The following ERG variants were observed in gnomAD, a reference collection of about 807,000 sequenced individuals.
ERG encodes ETS transcription factor ERG, also known as transcriptional regulator ERG.
ERG carries 9 observed loss-of-function variants against 55.3 expected under a neutral mutation model. The observed-to-expected ratio is 0.16, with a 90% CI of 0.10 to 0.28. The LOEUF (loss-of-function observed/expected upper bound fraction) is 0.28, where lower values mean the gene tolerates loss of function less well. ERG is among the 10% of genes least tolerant of loss of function. ERG has a pLI of 1.00. For missense variants in ERG, 434 were observed against 631.6 expected (o/e 0.69, Z 3.35); for synonymous variants, 223 against 237.3 (o/e 0.94, Z 0.55).
the ERG span, among the ~76,000 whole-genome samples, chr21:38,374,597 A>G: frequency 1.3e-5 from 2 of 152,210 alleles, no homozygotes; most frequent in Admixed American, 6.5e-5. Context: ...GAAGTTATGC[A>G]AACTCTCAGG....
intron 6 of ERG, among the ~76,000 whole-genome samples, chr21:38,393,638 A>G (rs977745008): frequency 3.9e-5 from 6 of 152,236 alleles, no homozygotes; most frequent in African/African-American, 7.2e-5. Flanking sequence ...TGATGGGTCA[A>G]TCTTCAAAGA....
intron 2 of ERG, among the ~76,000 whole-genome samples, chr21:38,444,139 T>C (rs74394879): frequency 3.9e-5 from 6 of 152,340 alleles, no homozygotes; most frequent in African/African-American, 7.2e-5. Flanking sequence ...TCCAGACTTA[T>C]AAACTATGAC....
At chr21:38,483,520 T>A (rs184428212) in intron 1 of ERG, among the ~76,000 whole-genome samples, 37 of 152,300 alleles carry the variant, frequency 2.4e-4, no homozygotes, top group Admixed American at 1.8e-3. Context: ...TGTATATGCA[T>A]CTGGGGAAAA....
At chr21:38,661,615 GT>G (rs1330074178) in intron 1 of ERG, 1 of 152,322 alleles carries the variant, frequency 6.6e-6, no homozygotes, top group African/African-American at 2.4e-5. Context: ...CCTTCCAGAA[GT>G]TTTCGTTTCT....
chr21:38,631,551 G>A (rs1269230345), intron 1 of ERG, among the ~76,000 whole-genome samples: 1 of 152,058 alleles, frequency 6.6e-6, no homozygotes, highest in African/African-American at 2.4e-5. Flanking sequence ...GTCCTTTAAG[G>A]GATGGCGTGG....
At chr21:38,577,593 G>T (rs2060002516) in intron 1 of ERG, among the ~76,000 whole-genome samples, 1 of 152,274 alleles carries the variant, frequency 6.6e-6, no homozygotes, top group East Asian at 1.9e-4. Context: ...GAGGCTGGGA[G>T]AGGATGGGGC....
At chr21:38,424,187 G>GCTCGCTCT (rs1989704853) in intron 2 of ERG, among the ~76,000 whole-genome samples, 7 of 110,078 alleles carry the variant, frequency 6.4e-5, no homozygotes, top group African/African-American at 2.2e-4. Flanking sequence ...CAGAGCTCGA[G>GCTCGCTCT]CTCTCTCTCT....
intron 2 of ERG, among the ~76,000 whole-genome samples, chr21:38,560,314 C>T (rs918053457): frequency 1.3e-5 from 2 of 152,136 alleles, no homozygotes; most frequent in African/African-American, 4.8e-5. Flanking sequence ...TAGGATCTCC[C>T]TTCAAGAAAG....
chr21:38,421,842 C>G (rs1989557798), intron 3 of ERG, among the ~76,000 whole-genome samples: 1 of 152,082 alleles, frequency 6.6e-6, no homozygotes, highest in Non-Finnish European at 1.5e-5. Flanking sequence ...AATAAGAAAA[C>G]TTTTTATTTT....
chr21:38,403,826 G>A, intron 3 of ERG, 117 bp from the exon 4 acceptor site: 1 of 934,214 alleles, frequency 1.1e-6, no homozygotes. Context: ...ACAGCCTCCA[G>A]CCAGCCTCCC....
At chr21:38,639,519 G>A (rs1323097037) in intron 1 of ERG, among the ~76,000 whole-genome samples, 1 of 151,812 alleles carries the variant, frequency 6.6e-6, no homozygotes, top group Non-Finnish European at 1.5e-5. Context: ...TTTAAAAATG[G>A]AAGAGAAAAT....
At chr21:38,477,435 A>G (rs544730448) in intron 1 of ERG, among the ~76,000 whole-genome samples, 3 of 151,802 alleles carry the variant, frequency 2.0e-5, no homozygotes, top group Non-Finnish European at 4.4e-5. Flanking sequence ...AATCTCCGAG[A>G]AGTTATTGGT....
intron 2 of ERG, among the ~76,000 whole-genome samples, chr21:38,507,042 C>T (rs1292115559): frequency 2.0e-5 from 3 of 152,058 alleles, no homozygotes; most frequent in African/African-American, 7.2e-5. Flanking sequence ...TCGTACATTC[C>T]GGTCCCAGCT....
At chr21:38,432,067 A>G (rs1402813090) in intron 2 of ERG, among the ~76,000 whole-genome samples, 1 of 152,224 alleles carries the variant, frequency 6.6e-6, no homozygotes, top group East Asian at 1.9e-4. Context: ...CTCTAGTTTC[A>G]TAACTCCCAA....
At chr21:38,374,202 T>G in the ERG span, among the ~76,000 whole-genome samples, 9 of 152,254 alleles carry the variant, frequency 5.9e-5, no homozygotes, top group Non-Finnish European at 1.3e-4. Context: ...TGTGGGCGTC[T>G]GCCCCACAGA....
intron 2 of ERG, among the ~76,000 whole-genome samples, chr21:38,560,058 C>T (rs1381170059): frequency 6.6e-6 from 1 of 152,142 alleles, no homozygotes; most frequent in African/African-American, 2.4e-5. Context: ...CAGCAAATGA[C>T]CCCATCTAAG....
chr21:38,517,346 A>G (rs1292656660), intron 2 of ERG, among the ~76,000 whole-genome samples: 1 of 152,160 alleles, frequency 6.6e-6, no homozygotes, highest in Non-Finnish European at 1.5e-5. Context: ...GCCATCAAGC[A>G]TATGAAAAAA....
At chr21:38,385,863 G>A in intron 9 of ERG, among the ~76,000 whole-genome samples, 1 of 152,144 alleles carries the variant, frequency 6.6e-6, no homozygotes, top group Non-Finnish European at 1.5e-5. Flanking sequence ...CTGGGAATAG[G>A]AAAAGGCATG....
chr21:38,405,161 T>C (rs1988705039), intron 3 of ERG, among the ~76,000 whole-genome samples: 3 of 152,246 alleles, frequency 2.0e-5, no homozygotes, highest in Admixed American at 2.0e-4. Context: ...CTGAAGTTAG[T>C]ACGTGTATCA....
Sources: allele counts gnomAD v4.1 joint callset (sites outside exome capture counted in the v4.1 genomes callset), GRCh38; gene constraint gnomAD v4.1.1; transcripts MANE v1.5; gene names NCBI Gene and HGNC (gene_info 2026-07-23, HGNC 2026-07-21).